FAM135B: variants seen among roughly 807,000 people sequenced by gnomAD.
FAM135B encodes the protein protein FAM135B.
In FAM135B, 43 loss-of-function variants were observed where a neutral mutation model predicts 127.7. That is an observed-to-expected ratio of 0.34 (90% CI 0.26 to 0.43). FAM135B has a LOEUF of 0.43. Ranked by LOEUF, FAM135B falls within the 20% of genes least tolerant of loss-of-function variation. The probability of loss-of-function intolerance (pLI) is 1.00; values close to 1 mark genes in which losing one functional copy is unlikely to be tolerated. For synonymous variants in FAM135B, 670 were observed against 665.1 expected (o/e 1.01, Z -0.11); for missense variants, 1,558 against 1,725.6 (o/e 0.90, Z 1.72).
At chr8:138,203,969 T>C (rs1159566563) in intron 7 of FAM135B, among the ~76,000 whole-genome samples, 1 of 152,116 alleles carries the variant, frequency 6.6e-6, no homozygotes, top group Non-Finnish European at 1.5e-5. Context: ...TGCTCGAGAA[T>C]CGAATGCCAC....
intron 2 of FAM135B, among the ~76,000 whole-genome samples, chr8:138,352,240 T>G (rs1158192523): frequency 6.6e-6 from 1 of 152,192 alleles, no homozygotes; most frequent in Non-Finnish European, 1.5e-5. Context: ...TGCATTTTAA[T>G]AATAAGTAGG....
rs67669346 is a variant in FAM135B at position 138,147,280 on chromosome 8, G to GA, written c.3449-1231dup. Among the ~76,000 whole-genome samples, 266 of 143,998 alleles carry GA rather than the reference G, an allele frequency of 1.8e-3. 1 individual carries two copies. Among genetic ancestry groups the GA allele is most frequent in the African/African-American group, 5.9e-3 (229 of 38,722 alleles). 94.5% of individuals were successfully genotyped at this position (143,998 alleles called of 152,430 possible). A position where few individuals can be genotyped will look rare whatever the true frequency, so the allele number is the denominator to read the frequency against. On this transcript the variant is annotated intron_variant, in intron 14 of 19. Coordinates refer to ENST00000395297, the MANE Select transcript of FAM135B (RefSeq NM_015912.4). ...AATGATATGCCAGGGCCTGCCTTAGGAAAAAAAAAAAAGCTGCAAGTGTTT... is the reference window on the plus strand; with the variant it reads ...AATGATATGCCAGGGCCTGCCTTAGGAAAAAAAAAAAAAGCTGCAAGTGTTT...
At chr8:138,355,103 A>C (rs1352740050) in intron 2 of FAM135B, among the ~76,000 whole-genome samples, 1 of 152,124 alleles carries the variant, frequency 6.6e-6, no homozygotes, top group African/African-American at 2.4e-5. Context: ...AAATAGGAAC[A>C]CTTTTACACT....
At chr8:138,376,002 G>GTTTTT (rs1831447325) in intron 1 of FAM135B, among the ~76,000 whole-genome samples, 2 of 152,092 alleles carry the variant, frequency 1.3e-5, no homozygotes, top group African/African-American at 2.4e-5. Flanking sequence ...GTTTTGTTTT[G>GTTTTT]TTTTGTTTTG....
At chr8:138,298,044 C>T (rs574253335) in intron 3 of FAM135B, among the ~76,000 whole-genome samples, 2 of 152,150 alleles carry the variant, frequency 1.3e-5, no homozygotes, top group Non-Finnish European at 2.9e-5. Flanking sequence ...ACTTGGAGAG[C>T]CTTGGGCAAG....
intron 9 of FAM135B, 65 bp from the exon 10 acceptor site, chr8:138,178,755 C>T (rs1465068517): frequency 2.7e-6 from 4 of 1,482,692 alleles, no homozygotes; most frequent in Non-Finnish European, 3.7e-6. Context: ...CAGTCTTCTT[C>T]CTGAAGTCTT....
intron 1 of FAM135B, among the ~76,000 whole-genome samples, chr8:138,403,149 T>G (rs534112231): frequency 6.6e-6 from 1 of 152,168 alleles, no homozygotes; most frequent in Admixed American, 6.5e-5. Context: ...TGAACTAAAA[T>G]GAGAAAATAT....
intron 1 of FAM135B, among the ~76,000 whole-genome samples, chr8:138,426,010 T>TAC (rs1834843874): frequency 2.5e-4 from 4 of 16,204 alleles, no homozygotes; most frequent in East Asian, 2.1e-3. Context: ...TATATATATA[T>TAC]ATACACACAC....
At chr8:138,440,960 C>T (rs540575803) in intron 1 of FAM135B, 1 of 152,152 alleles carries the variant, frequency 6.6e-6, no homozygotes, top group Non-Finnish European at 1.5e-5. Flanking sequence ...AAAGCCTACA[C>T]TAGAATACTA....
chr8:138,309,643 G>T (rs1176009797), intron 3 of FAM135B, among the ~76,000 whole-genome samples: 1 of 152,090 alleles, frequency 6.6e-6, no homozygotes, highest in Admixed American at 6.6e-5. Context: ...TGACTTGTGG[G>T]TATTCAATTG....
intron 1 of FAM135B, among the ~76,000 whole-genome samples, chr8:138,467,429 T>C (rs990645880): frequency 6.6e-6 from 1 of 152,236 alleles, no homozygotes; most frequent in Non-Finnish European, 1.5e-5. Context: ...ATTTCCTTTA[T>C]TTTACTAGCT....
intron 1 of FAM135B, among the ~76,000 whole-genome samples, chr8:138,442,674 A>T (rs1422641122): frequency 6.6e-6 from 1 of 151,908 alleles, no homozygotes; most frequent in Non-Finnish European, 1.5e-5. Flanking sequence ...TATCCCAGGC[A>T]CTCCACAGAA....
intron 7 of FAM135B, among the ~76,000 whole-genome samples, chr8:138,230,705 A>T (rs1819841901): frequency 1.3e-5 from 2 of 152,182 alleles, no homozygotes; most frequent in South Asian, 4.1e-4. Context: ...TCTGAGGTAG[A>T]CAGTGGGAAC....
At chr8:138,197,807 A>G (rs1400004245) in intron 7 of FAM135B, 138 bp from the exon 8 acceptor site, 7 of 846,328 alleles carry the variant, frequency 8.3e-6, no homozygotes, top group South Asian at 2.1e-5. Flanking sequence ...CCCCATCCTG[A>G]GTAAAACTGG....
At chr8:138,408,689 A>G (rs1833675986) in intron 1 of FAM135B, among the ~76,000 whole-genome samples, 1 of 152,174 alleles carries the variant, frequency 6.6e-6, no homozygotes, top group Admixed American at 6.5e-5. Flanking sequence ...CACGGCTTAC[A>G]TGGAAGCAGG....
intron 1 of FAM135B, among the ~76,000 whole-genome samples, chr8:138,453,355 T>C (rs1410925573): frequency 6.6e-6 from 1 of 151,024 alleles, no homozygotes; most frequent in African/African-American, 2.4e-5. Context: ...CTATTATTTA[T>C]ACAAGAATAT....
At chr8:138,264,358 G>A (rs1261737426) in intron 4 of FAM135B, among the ~76,000 whole-genome samples, 1 of 152,202 alleles carries the variant, frequency 6.6e-6, no homozygotes, top group East Asian at 1.9e-4. Flanking sequence ...TATCTGTCAT[G>A]AGACAACAGC....
In FAM135B at chr8:138,243,080, A is replaced by G. The variant is rs2130388032; in HGVS notation, c.543-12T>C. The G allele has an allele frequency of 1.9e-6, 3 of 1,603,294 alleles. No homozygotes were observed. The highest frequency in any genetic ancestry group is 1.7e-6 in the Non-Finnish European group (2 of 1,175,840). ...CTGGACGAGTAAAACTAAACAAAAGATAATTGAAAGGGTGAAAAAGGAGGT... is the reference window on the plus strand; with the variant it reads ...CTGGACGAGTAAAACTAAACAAAAGGTAATTGAAAGGGTGAAAAAGGAGGT... On this transcript the variant is annotated splice_polypyrimidine_tract_variant and intron_variant, in intron 6 of 19. Transcript: ENST00000395297. This position sits in a 1 kb window ranked among gnomAD's most constrained non-coding sequence, Gnocchi z 7.5.
intron 2 of FAM135B, among the ~76,000 whole-genome samples, chr8:138,313,095 T>A (rs1015196264): frequency 6.6e-6 from 1 of 152,218 alleles, no homozygotes; most frequent in African/African-American, 2.4e-5. Context: ...ATGAAAAATA[T>A]AAAACTATTA....
Sources: allele counts gnomAD v4.1 joint callset (sites outside exome capture counted in the v4.1 genomes callset), GRCh38; gene constraint gnomAD v4.1.1; non-coding constraint Gnocchi (gnomAD v3.1); transcripts MANE v1.5; gene names NCBI Gene and HGNC (gene_info 2026-07-23, HGNC 2026-07-21).